Variants in HECTD4 observed in about 807,000 individuals in gnomAD.
The protein encoded by HECTD4 is HECT domain E3 ubiquitin protein ligase 4.
In HECTD4, 114 loss-of-function variants were observed where a neutral mutation model predicts 471.5. The ratio of observed to expected loss-of-function variants is 0.24; its 90% CI spans 0.21 to 0.28. The LOEUF (loss-of-function observed/expected upper bound fraction) is 0.28, where lower values mean the gene tolerates loss of function less well. Among genes scored for constraint, HECTD4 ranks in the 10% least tolerant of loss-of-function variants. The pLI is 1.00. For missense variants in HECTD4, 3,866 were observed against 5,651.5 expected (o/e 0.68, Z 10.13); for synonymous variants, 2,012 against 2,256.0 (o/e 0.89, Z 3.07).
intron 49 of HECTD4, among the ~76,000 whole-genome samples, chr12:112,210,805 T>C (rs1323100761): frequency 6.6e-6 from 1 of 152,262 alleles, no homozygotes; most frequent in African/African-American, 2.4e-5. Context: ...TTCCTCCAAC[T>C]GATCATAACC....
intron 1 of HECTD4, among the ~76,000 whole-genome samples, chr12:112,378,015 C>A (rs2036816281): frequency 1.3e-5 from 2 of 152,110 alleles, no homozygotes; most frequent in Non-Finnish European, 1.5e-5. Context: ...TGACTTTGAG[C>A]AGCGCTTACA....
Position 112,207,962 on chromosome 12 carries a change from G to C in HECTD4, c.8043C>G (p.Thr2681=), listed in dbSNP as rs2032642950. The stretch of plus-strand genomic sequence containing the variant: ...GTCTTCGGATGGTAGGAAAAACCTT[G>C]GTCTCCCATGCTTTCACCAGCAGGG... The part of the protein sequence containing the change: ...HYALLVKAWE[T]KVFPTIRRRF... The change falls in exon 52 of 76, where the codon ACC becomes ACG. Residue 2681 remains threonine, a synonymous_variant. Coordinates refer to ENST00000682272, the MANE Select transcript of HECTD4 (RefSeq NM_001388303.1). 6.2e-7 allele frequency: 1 copy of C among 1,613,508 alleles called. No individual in the cohort carries two copies. The highest frequency in any genetic ancestry group is 1.3e-5 in the African/African-American group (1 of 74,896).
Position 112,243,738 on chromosome 12 carries a change from C to T in HECTD4, c.4673G>A (p.Arg1558His), listed in dbSNP as rs779089883. 3.7e-6 allele frequency: 6 copies of T among 1,613,452 alleles called. No homozygotes were observed. Among genetic ancestry groups the T allele is most frequent in the Non-Finnish European group, 5.1e-6 (6 of 1,179,628 alleles). The change falls in exon 31 of 76, where the codon CGC becomes CAC. Residue 1558 changes from arginine to histidine, a missense_variant. Physicochemically the swap from Arg to His is conservative, Grantham distance 29. Coordinates refer to ENST00000682272, the MANE Select transcript of HECTD4 (RefSeq NM_001388303.1). This position sits in a 1 kb window ranked among gnomAD's most constrained non-coding sequence, Gnocchi z 6.6. ...CTGCAGGAGTGTAAAGGAGCTGCTG[C>T]GGTGGCTGGTCACGTGGCGACGCCT... Reference protein sequence around the residue: ...NQRRRHVTSHRSSSFTLLQSL... With the variant: ...NQRRRHVTSHHSSSFTLLQSL...
chr12:112,287,495 A>G (rs527782532), intron 7 of HECTD4, among the ~76,000 whole-genome samples: 1 of 152,340 alleles, frequency 6.6e-6, no homozygotes, highest in Admixed American at 6.5e-5. Flanking sequence ...TAACATAAGG[A>G]GAGAAAAATA....
chr12:112,332,041 T>C (rs1412114830), intron 1 of HECTD4, among the ~76,000 whole-genome samples: 1 of 152,026 alleles, frequency 6.6e-6, no homozygotes, highest in Non-Finnish European at 1.5e-5. Flanking sequence ...ATGCGTGGCC[T>C]ACAGAAGAGA....
chr12:112,225,327 CAAA>C (rs201230586), intron 44 of HECTD4, among the ~76,000 whole-genome samples: 3 of 61,330 alleles, frequency 4.9e-5, no homozygotes, highest in African/African-American at 5.4e-5. Flanking sequence ...TTTAAAAGAC[CAAA>C]AAAAAAAAAA....
At chr12:112,277,432 G>A (rs1269128155) in intron 9 of HECTD4, among the ~76,000 whole-genome samples, 2 of 152,102 alleles carry the variant, frequency 1.3e-5, no homozygotes, top group Non-Finnish European at 2.9e-5. Flanking sequence ...CGCAACTGAT[G>A]GATAAAACAA....
rs1431771101 is a variant in HECTD4, at chr12:112,194,521, G to A, written c.8749+364C>T. ...AGCAGAACTTATGATGAACCAAATA[G>A]GTCTGCTTTGGAGGACGCTGATGAC... On this transcript the variant is annotated intron_variant, in intron 56 of 75. Coordinates refer to ENST00000682272, the MANE Select transcript of HECTD4 (RefSeq NM_001388303.1). The surrounding 1 kb of genome is among the most constrained non-coding windows in gnomAD (Gnocchi z 4.6). Among the ~76,000 whole-genome samples the A allele has an allele frequency of 6.6e-6, 1 of 152,168 alleles. No individual in the cohort carries two copies. The highest frequency in any genetic ancestry group is 1.5e-5 in the Non-Finnish European group (1 of 68,022).
intron 27 of HECTD4, 33 bp from the exon 28 acceptor site, chr12:112,247,583 C>G (rs1236040243): frequency 9.0e-7 from 1 of 1,110,642 alleles, no homozygotes; most frequent in East Asian, 2.7e-5. Context: ...GCAGAATCTG[C>G]AAGAACCAAG....
At chr12:112,278,967 T>G (rs540913886) in intron 9 of HECTD4, among the ~76,000 whole-genome samples, 1 of 152,340 alleles carries the variant, frequency 6.6e-6, no homozygotes, top group Admixed American at 6.5e-5. Context: ...AAATATTATT[T>G]TATTTCCTAA....
chr12:112,208,242 A>G (rs2032653599), intron 51 of HECTD4, among the ~76,000 whole-genome samples: 1 of 152,236 alleles, frequency 6.6e-6, no homozygotes, highest in African/African-American at 2.4e-5. Flanking sequence ...AGGATTCTGA[A>G]CTATTGCAAA....
chr12:112,345,181 A>G (rs1204915435), intron 1 of HECTD4, among the ~76,000 whole-genome samples: 1 of 152,062 alleles, frequency 6.6e-6, no homozygotes. Context: ...TGAGCCTAGG[A>G]GGTTGAGGCT....
In HECTD4 at chr12:112,161,257, T is replaced by TGCACCGGG. The variant is rs3215349; in HGVS notation, c.*1129_*1130insCCCGGTGC. The stretch of plus-strand genomic sequence containing the variant: ...GACAAAGACCTATTTGGGGCAAAGA[T>TGCACCGGG]GCAGTGGGTGAGCCTGGAGGCAGCT... On this transcript the variant is annotated 3_prime_UTR_variant, in exon 76 of 76. Transcript: ENST00000682272. The TGCACCGGG allele has an allele frequency of 6.6e-6, 1 of 151,642 alleles. No individual in the cohort carries two copies. Among genetic ancestry groups the TGCACCGGG allele is most frequent in the Non-Finnish European group, 1.5e-5 (1 of 67,952 alleles). The allele number at this position is 151,642 out of a possible 1,614,324, so 9.4% of individuals were successfully genotyped here. A position where few individuals can be genotyped will look rare whatever the true frequency, so the allele number is the denominator to read the frequency against.
intron 1 of HECTD4, among the ~76,000 whole-genome samples, chr12:112,323,810 T>C (rs1450747892): frequency 1.3e-5 from 2 of 151,770 alleles, no homozygotes; most frequent in Admixed American, 1.3e-4. Context: ...AGTTTGACTG[T>C]ATAACTTTAA....
At position 112,170,397 on chromosome 12, in the gene HECTD4, A is replaced by G; in HGVS notation, c.11988T>C (p.Thr3996=). ...VTVMNRVLNA[T]VQRTADHAAP... Reference sequence around the variant, plus strand: ...CCGCGTGGTCCGCTGTCCTCTGCACAGTGGCATTCAGCACTCGATTCATCA... The same window carrying G: ...CCGCGTGGTCCGCTGTCCTCTGCACGGTGGCATTCAGCACTCGATTCATCA... Residue 3996 remains threonine (T), a synonymous_variant, in exon 69 of 76, where the codon ACT becomes ACC. Transcript: ENST00000682272. 1.9e-6 allele frequency: 3 copies of G among 1,613,952 alleles called. No individual in the cohort carries two copies. The highest frequency in any genetic ancestry group is 2.5e-6 in the Non-Finnish European group (3 of 1,179,876).
chr12:112,349,074 A>G (rs1034893159), intron 1 of HECTD4, among the ~76,000 whole-genome samples: 1 of 152,202 alleles, frequency 6.6e-6, no homozygotes, highest in African/African-American at 2.4e-5. Context: ...CAAAAATAAA[A>G]TATTTTTACT....
At chr12:112,355,447 CAA>C in intron 1 of HECTD4, among the ~76,000 whole-genome samples, 1 of 131,952 alleles carries the variant, frequency 7.6e-6, no homozygotes, top group East Asian at 2.4e-4. Flanking sequence ...GGCGACCGAG[CAA>C]GAGACTCCGT....
At chr12:112,216,640 G>T in intron 47 of HECTD4, 133 bp downstream of exon 47, 1 of 1,106,408 alleles carries the variant, frequency 9.0e-7, no homozygotes, top group Non-Finnish European at 1.3e-6. Flanking sequence ...GAAATCTCCA[G>T]AAAGGAAAAA....
chr12:112,179,032 G>A lies in HECTD4; in HGVS notation c.11262C>T (p.Tyr3754=), dbSNP rs201775230. The A allele has an allele frequency of 6.3e-4, 1,010 of 1,613,918 alleles. 4 individuals are homozygous for A. Among genetic ancestry groups the A allele is most frequent in the Non-Finnish European group, 7.6e-4 (900 of 1,179,876 alleles). The part of the protein sequence containing the change: ...VPKPKFDKSK[Y]SKAGKEQHPV... ...GGTGCTGCTCCTTCCCGGCCTTGCT[G>A]TACTTGCTCTTGTCAAACTTGGGCT... The change falls in exon 64 of 76, where the codon TAC becomes TAT. Residue 3754 remains tyrosine, a synonymous_variant. Coordinates refer to ENST00000682272, the MANE Select transcript of HECTD4 (RefSeq NM_001388303.1). The surrounding 1 kb of genome is among the most constrained non-coding windows in gnomAD (Gnocchi z 4.3).
Sources: gnomAD v4.1 joint callset for allele counts (sites outside exome capture counted in the v4.1 genomes callset) on GRCh38, gnomAD v4.1.1 for gene constraint, Gnocchi (gnomAD v3.1) non-coding constraint, MANE v1.5 for transcripts, NCBI Gene and HGNC (gene_info 2026-07-23, HGNC 2026-07-21) for gene names.